The following ABL2 variants were observed in gnomAD, a reference collection of about 807,000 sequenced individuals.
ABL2 encodes tyrosine-protein kinase ABL2.
In ABL2, 49 loss-of-function variants were observed where a neutral mutation model predicts 107.7. The observed-to-expected ratio is 0.45, with a 90% CI of 0.36 to 0.58. ABL2 has a LOEUF of 0.58. Among genes scored for constraint, ABL2 ranks in the 20% least tolerant of loss-of-function variants. ABL2 has a pLI of 0.00. For missense variants in ABL2, 1,245 were observed against 1,457.0 expected (o/e 0.85, Z 2.37); for synonymous variants, 549 against 548.6 (o/e 1.00, Z -0.01).
chr1:179,128,120 T>C (rs1020618420), intron 3 of ABL2, among the ~76,000 whole-genome samples: 1 of 152,126 alleles, frequency 6.6e-6, no homozygotes, highest in Non-Finnish European at 1.5e-5. Flanking sequence ...CATCTGTCCT[T>C]TTTTAGTGGC....
At chr1:179,201,126 T>G (rs1483013648) in intron 1 of ABL2, among the ~76,000 whole-genome samples, 1 of 152,200 alleles carries the variant, frequency 6.6e-6, no homozygotes, top group Non-Finnish European at 1.5e-5. Flanking sequence ...AGTTCCTAGA[T>G]GCCAGCCAAG....
chr1:179,194,412 G>A (rs1156404116), intron 1 of ABL2, among the ~76,000 whole-genome samples: 1 of 152,178 alleles, frequency 6.6e-6, no homozygotes, highest in African/African-American at 2.4e-5. Context: ...TTCCTAAAGA[G>A]CCAGGGGTTA....
rs767605641 is a variant in ABL2, at chr1:179,108,960, T to C, written c.2307A>G (p.Thr769=). Residue 769 remains threonine, a synonymous_variant, in exon 12 of 12, where the codon ACA becomes ACG. Coordinates refer to ENST00000502732, the MANE Select transcript of ABL2 (RefSeq NM_007314.4). The part of the protein sequence containing the change: ...KTLGLRAGKP[T]ASDDTSKPFP... ...AAGGCTTGGAAGTGTCATCACTGGC[T>C]GTGGGTTTACCTGCTCGTAAGCCCA... The C allele has an allele frequency of 8.7e-6, 14 of 1,614,188 alleles. No individual in the cohort carries two copies. The South Asian group carries it at 1.4e-4, about 16-fold the overall frequency.
chr1:179,115,850 T>C (rs1654566155), intron 8 of ABL2, among the ~76,000 whole-genome samples: 1 of 152,216 alleles, frequency 6.6e-6, no homozygotes, highest in Admixed American at 6.5e-5. Flanking sequence ...TCTCAGTTAT[T>C]TGAGTTTGAG....
intron 1 of ABL2, among the ~76,000 whole-genome samples, chr1:179,190,286 T>C (rs1001350283): frequency 6.6e-6 from 1 of 152,106 alleles, no homozygotes; most frequent in Admixed American, 6.5e-5. Context: ...TTAGACTAAT[T>C]TGCAAGAGTG....
intron 1 of ABL2, among the ~76,000 whole-genome samples, chr1:179,216,635 T>G (rs1045295447): frequency 2.6e-5 from 4 of 152,076 alleles, no homozygotes; most frequent in Admixed American, 2.0e-4. Context: ...AAAATTCTCC[T>G]GCCATTATCA....
intron 1 of ABL2, among the ~76,000 whole-genome samples, chr1:179,179,580 A>G (rs1176439785): frequency 6.6e-6 from 1 of 152,082 alleles, no homozygotes; most frequent in African/African-American, 2.4e-5. Flanking sequence ...CGGGAAAAAC[A>G]AAAAAGTAAA....
At chr1:179,147,597 A>C (rs1658086619) in intron 1 of ABL2, among the ~76,000 whole-genome samples, 1 of 152,250 alleles carries the variant, frequency 6.6e-6, no homozygotes, top group African/African-American at 2.4e-5. Context: ...CGTTATCCTA[A>C]GTGAAATGAC....
Position 179,219,756 on chromosome 1 carries a change from A to G in ABL2, c.157+9485T>C, listed in dbSNP as rs78203690. Among the ~76,000 whole-genome samples, 29 of 152,372 alleles carry G rather than the reference A, an allele frequency of 1.9e-4. No homozygotes were observed. In the East Asian group the frequency reaches 4.8e-3, roughly 25 times the overall value. ...TTTACTGCTTTCTGAAAGTCCTCTA[A>G]TAAGAGTAGCTTAATAAGAAGAGAA... On this transcript the variant is annotated intron_variant, in intron 1 of 11. Transcript: ENST00000502732.
At chr1:179,110,979 G>GT in intron 10 of ABL2, 3 of 1,067,598 alleles carry the variant, frequency 2.8e-6, no homozygotes, top group Admixed American at 3.0e-5. Flanking sequence ...ATTATTTTTG[G>GT]CTTTTTTTTT....
intron 1 of ABL2, among the ~76,000 whole-genome samples, chr1:179,147,728 T>A (rs1390079467): frequency 6.6e-6 from 1 of 152,162 alleles, no homozygotes; most frequent in Non-Finnish European, 1.5e-5. Context: ...GAATACTACC[T>A]ATTGGGTCCC....
chr1:179,111,442 C>T (rs377697591), intron 10 of ABL2, among the ~76,000 whole-genome samples: 1 of 151,806 alleles, frequency 6.6e-6, no homozygotes, highest in East Asian at 1.9e-4. Context: ...CCTGCCATCA[C>T]GCCTGGCTAG....
chr1:179,173,520 G>A (rs1474794350), intron 1 of ABL2, among the ~76,000 whole-genome samples: 3 of 119,300 alleles, frequency 2.5e-5, no homozygotes, highest in African/African-American at 7.4e-5. Context: ...GTGCCGCCAC[G>A]CCTGTATTTT....
intron 11 of ABL2, among the ~76,000 whole-genome samples, chr1:179,109,745 G>A (rs562977913): frequency 7.2e-5 from 11 of 152,160 alleles, no homozygotes; most frequent in South Asian, 2.1e-4. Context: ...TGGCTAACAC[G>A]ATGAAACCCC....
chr1:179,207,232 T>C (rs1557999233), intron 1 of ABL2, among the ~76,000 whole-genome samples: 1 of 152,032 alleles, frequency 6.6e-6, no homozygotes, highest in Non-Finnish European at 1.5e-5. Flanking sequence ...AAGAAGGTAT[T>C]TTAGGATCAT....
At chr1:179,129,631 G>A (rs1383978461) in intron 3 of ABL2, among the ~76,000 whole-genome samples, 3 of 150,332 alleles carry the variant, frequency 2.0e-5, no homozygotes, top group Non-Finnish European at 2.9e-5. Context: ...GCAGTGAGCC[G>A]AGACTGTGCC....
At chr1:179,115,502 T>G (rs919622501) in intron 8 of ABL2, among the ~76,000 whole-genome samples, 2 of 152,202 alleles carry the variant, frequency 1.3e-5, no homozygotes, top group African/African-American at 4.8e-5. Context: ...AGTTGCATGA[T>G]GAACTCTCAA....
rs1184488370 is a variant in ABL2, at chr1:179,102,070, G to A, written c.*5648C>T. ...ACTGTCACCCAGGCTGGAGTGCAGT[G>A]GCGCGATCTGGGCTCACTGCAAGCT... On this transcript the variant is annotated 3_prime_UTR_variant, in exon 12 of 12. Transcript: ENST00000502732. The A allele has an allele frequency of 1.5e-5, 2 of 130,168 alleles. No individual in the cohort carries two copies. The highest frequency in any genetic ancestry group is 3.2e-5 in the African/African-American group (1 of 31,432). The allele number at this position is 130,168 out of a possible 1,614,324, so 8.1% of individuals were successfully genotyped here.
chr1:179,173,449 A>G (rs1233044716), intron 1 of ABL2, among the ~76,000 whole-genome samples: 2 of 135,808 alleles, frequency 1.5e-5, no homozygotes, highest in Non-Finnish European at 3.0e-5. Flanking sequence ...TGCAACCTCC[A>G]TCTCCCTGGT....
Sources: allele counts gnomAD v4.1 joint callset (sites outside exome capture counted in the v4.1 genomes callset), GRCh38; gene constraint gnomAD v4.1.1; transcripts MANE v1.5; gene names NCBI Gene and HGNC (gene_info 2026-07-23, HGNC 2026-07-21).